The following DLGAP4 variants were observed in gnomAD, a reference collection of about 807,000 sequenced individuals.
DLGAP4 encodes DLG associated protein 4, also known as disks large-associated protein 4.
Under a neutral mutation model 86.9 loss-of-function variants are expected in DLGAP4, and 18 were observed. The observed-to-expected ratio is 0.21, with a 90% CI of 0.14 to 0.31. The LOEUF is 0.31. DLGAP4 is among the 10% of genes least tolerant of loss of function. DLGAP4 has a pLI of 1.00. For synonymous variants in DLGAP4, 548 were observed against 574.3 expected, an observed-to-expected ratio of 0.95 and a Z score of 0.65; for missense variants, 1,085 against 1,362.6, an observed-to-expected ratio of 0.80 and a Z score of 3.21.
intron 1 of DLGAP4, among the ~76,000 whole-genome samples, chr20:36,332,637 G>A (rs546929362): frequency 1.3e-4 from 20 of 152,172 alleles, no homozygotes; most frequent in Admixed American, 3.9e-4. Flanking sequence ...TGATCCGCCC[G>A]CCTGTGCCAT....
At chr20:36,509,464 G>T (rs1298307330) in intron 10 of DLGAP4, among the ~76,000 whole-genome samples, 1 of 151,912 alleles carries the variant, frequency 6.6e-6, no homozygotes, top group Non-Finnish European at 1.5e-5. Flanking sequence ...CCAGCTACTC[G>T]GGAGGCTGAG....
chr20:36,474,239 G>A (rs2034807707), intron 7 of DLGAP4, among the ~76,000 whole-genome samples: 1 of 152,236 alleles, frequency 6.6e-6, no homozygotes, highest in Non-Finnish European at 1.5e-5. Context: ...TTGGAGTGGA[G>A]TCAGTTATTT....
intron 10 of DLGAP4, among the ~76,000 whole-genome samples, chr20:36,518,072 T>C (rs1002618032): frequency 6.6e-6 from 1 of 152,038 alleles, no homozygotes; most frequent in Non-Finnish European, 1.5e-5. Context: ...ATACAAAAAT[T>C]AGCTGGGCAT....
intron 1 of DLGAP4, among the ~76,000 whole-genome samples, chr20:36,355,692 A>G (rs1600428070): frequency 1.3e-5 from 2 of 152,040 alleles, no homozygotes; most frequent in East Asian, 3.8e-4. Context: ...GACATTCCAC[A>G]TTTTGCTTAT....
chr20:36,378,224 T>G (rs991962618), intron 2 of DLGAP4, among the ~76,000 whole-genome samples: 1 of 152,168 alleles, frequency 6.6e-6, no homozygotes, highest in African/African-American at 2.4e-5. Flanking sequence ...ACTTCCTGTC[T>G]CTGTGATCTC....
intron 8 of DLGAP4, chr20:36,499,212 T>C (rs78525367): frequency 6.8e-7 from 1 of 1,474,194 alleles, no homozygotes; most frequent in Non-Finnish European, 9.2e-7. Context: ...TCGTCGTCCT[T>C]TTTTTTTTTT....
chr20:36,350,620 G>A lies in DLGAP4; in HGVS notation c.-303-16425G>A, dbSNP rs782570454. On this transcript the variant is annotated intron_variant, in intron 1 of 12. Transcript: ENST00000339266. The surrounding 1 kb of genome is among the most constrained non-coding windows in gnomAD (Gnocchi z 4.4). ...GCATGCCCTCTGTACCAGGGCAGCA[G>A]GTGGGGAAGGGGCCTATCATGACCT... Among the ~76,000 whole-genome samples the A allele has an allele frequency of 3.0e-4, 45 of 152,242 alleles. No individual in the cohort carries two copies. Among genetic ancestry groups the A allele is most frequent in the Non-Finnish European group, 5.3e-4 (36 of 68,038 alleles).
intron 1 of DLGAP4, among the ~76,000 whole-genome samples, chr20:36,309,995 G>A (rs968438807): frequency 9.9e-5 from 15 of 152,190 alleles, no homozygotes; most frequent in African/African-American, 3.4e-4. Flanking sequence ...GAGGATTTGG[G>A]GATTTGGGTA....
intron 1 of DLGAP4, among the ~76,000 whole-genome samples, chr20:36,339,013 C>T (rs533126116): frequency 5.9e-5 from 9 of 152,250 alleles, no homozygotes; most frequent in Non-Finnish European, 1.0e-4. Context: ...GCGGCTCTCT[C>T]GGGAGACATT....
intron 7 of DLGAP4, among the ~76,000 whole-genome samples, chr20:36,466,635 ACCCACC>A (rs2034365644): frequency 6.6e-6 from 1 of 152,202 alleles, no homozygotes; most frequent in Admixed American, 6.5e-5. Flanking sequence ...TAACAGACAG[ACCCACC>A]CATTCTTAGA....
In DLGAP4 at chr20:36,500,490, A is replaced by G. The variant is rs1322716234; in HGVS notation, c.2391A>G (p.Pro797=). 9.4e-6 allele frequency: 15 copies of G among 1,593,870 alleles called. No individual in the cohort carries two copies. The highest frequency in any genetic ancestry group is 1.8e-5 in the Admixed American group (1 of 56,980). ...GCTCCCCAGCAGAGCCGGCACAGCCAGGGGCCTGCCGCCGAGACGGCTACT... is the reference window on the plus strand; with the variant it reads ...GCTCCCCAGCAGAGCCGGCACAGCCGGGGGCCTGCCGCCGAGACGGCTACT... ...SSSSPAEPAQ[P]GACRRDGYWF... is the part of the protein sequence containing the mutation. Residue 797 remains proline, a synonymous_variant, in exon 10 of 13, where the codon CCA becomes CCG. Transcript: ENST00000339266. This position sits in a 1 kb window ranked among gnomAD's most constrained non-coding sequence, Gnocchi z 4.6.
At chr20:36,389,536 T>C (rs550392154) in intron 2 of DLGAP4, among the ~76,000 whole-genome samples, 28 of 152,360 alleles carry the variant, frequency 1.8e-4, no homozygotes, top group African/African-American at 6.0e-4. Context: ...ACTGTCTATA[T>C]GAACTCTAGT....
chr20:36,478,868 TCTC>T (rs2035059906), intron 7 of DLGAP4, among the ~76,000 whole-genome samples: 1 of 152,160 alleles, frequency 6.6e-6, no homozygotes, highest in African/African-American at 2.4e-5. Flanking sequence ...GATGAAAACA[TCTC>T]CTTGAGGGGA....
rs575378763 is a variant in DLGAP4 at position 36,497,662 on chromosome 20, C to T, written c.2010+596C>T. ...AGAAGGGTGATGCCGGTCTCACTGC[C>T]TCCCTCCATGGGATAGGGTCCAGGC... On this transcript the variant is annotated intron_variant, in intron 8 of 12. Coordinates refer to ENST00000339266, the MANE Select transcript of DLGAP4 (RefSeq NM_001365621.2). 932 of 984,820 alleles carry T rather than the reference C, an allele frequency of 9.5e-4. 2 individuals carry two copies. Among genetic ancestry groups the T allele is most frequent in the Non-Finnish European group, 1.0e-3 (827 of 829,268 alleles). 61.0% of individuals were successfully genotyped at this position (984,820 alleles called of 1,614,324 possible).
chr20:36,525,255 CAAAG>C lies in DLGAP4; in HGVS notation c.2605-592_2605-589del, dbSNP rs1453644319. On this transcript the variant is annotated intron_variant, in intron 11 of 12. Coordinates refer to ENST00000339266, the MANE Select transcript of DLGAP4 (RefSeq NM_001365621.2). ...AAAAAAAAAAAAAAAAAAAAAAAAACAAAGAAATCCCACTGCTGGGATTGGTGGC... is the reference window on the plus strand; with the variant it reads ...AAAAAAAAAAAAAAAAAAAAAAAAACAAATCCCACTGCTGGGATTGGTGGC... 4.5e-4 allele frequency among the ~76,000 whole-genome samples: 32 copies of C among 70,806 alleles called. 1 individual carries two copies. The highest frequency in any genetic ancestry group is 1.7e-3 in the African/African-American group (31 of 17,968). The allele number at this position is 70,806 out of a possible 152,430, so 46.5% of individuals were successfully genotyped here.
intron 2 of DLGAP4, among the ~76,000 whole-genome samples, chr20:36,429,045 C>A (rs1231071568): frequency 6.6e-6 from 1 of 152,166 alleles, no homozygotes; most frequent in Non-Finnish European, 1.5e-5. Flanking sequence ...GGCACATCTC[C>A]TCTGACTCTG....
chr20:36,507,029 T>C (rs1212919942), intron 10 of DLGAP4, among the ~76,000 whole-genome samples: 3 of 152,250 alleles, frequency 2.0e-5, no homozygotes, highest in African/African-American at 7.2e-5. Context: ...TTCTATTGTA[T>C]GTAGAGACTA....
chr20:36,443,520 A>C (rs895160623), intron 6 of DLGAP4, among the ~76,000 whole-genome samples: 6 of 152,154 alleles, frequency 3.9e-5, no homozygotes, highest in African/African-American at 1.4e-4. Flanking sequence ...TGGATGCCCC[A>C]TGTGTCCCTC....
chr20:36,477,773 A>G (rs1044519161), intron 7 of DLGAP4, among the ~76,000 whole-genome samples: 6 of 152,224 alleles, frequency 3.9e-5, no homozygotes, highest in Non-Finnish European at 8.8e-5. Context: ...TGAGAATCCT[A>G]GCACAGTGTT....
Sources: allele counts gnomAD v4.1 joint callset (sites outside exome capture counted in the v4.1 genomes callset), GRCh38; gene constraint gnomAD v4.1.1; non-coding constraint Gnocchi (gnomAD v3.1); transcripts MANE v1.5; gene names NCBI Gene and HGNC (gene_info 2026-07-23, HGNC 2026-07-21).